The following AP5Z1 variants were observed in gnomAD, a reference collection of about 807,000 sequenced individuals.
AP5Z1 encodes the protein AP-5 complex subunit zeta-1.
A neutral mutation model predicts 83.0 loss-of-function variants in AP5Z1; 106 were observed. The ratio of observed to expected loss-of-function variants is 1.28; its 90% confidence interval spans 1.09 to 1.50. The LOEUF (loss-of-function observed/expected upper bound fraction) is 1.50. Among genes scored for constraint, AP5Z1 ranks in the 40% most tolerant of loss-of-function variants. The pLI, the probability that AP5Z1 is intolerant of heterozygous loss-of-function variation, is 0.00. For missense variants in AP5Z1, 1,565 were observed against 1,094.2 expected, an observed-to-expected ratio of 1.43 and a Z score of -6.07; for synonymous variants, 751 against 514.1, an observed-to-expected ratio of 1.46 and a Z score of -6.23.
At chr7:4,787,111 C>T (rs1781572244) in intron 10 of AP5Z1, among the ~76,000 whole-genome samples, 2 of 152,136 alleles carry the variant, frequency 1.3e-5, no homozygotes, top group Non-Finnish European at 2.9e-5. Context: ...GCAGCCTCGC[C>T]TCGCTGTAAG....
Position 4,790,807 on chromosome 7 carries a change from C to T in AP5Z1, c.2073C>T (p.Pro691=), listed in dbSNP as rs764791853. 1 of 1,609,310 alleles carries T rather than the reference C, an allele frequency of 6.2e-7. No homozygotes were observed. Among genetic ancestry groups the T allele is most frequent in the Admixed American group, 1.7e-5 (1 of 59,664 alleles). Residue 691 remains proline, a synonymous_variant, in exon 16 of 17, where the codon CCC becomes CCT. Coordinates refer to ENST00000649063, the MANE Select transcript of AP5Z1 (RefSeq NM_014855.3). The stretch of plus-strand genomic sequence containing the variant: ...AGTGCCGCCCCTCTGCTGCCCTGCC[C>T]AGGTGTCCCCCCCAGGTGGTCACCG... ...VTQCRPSAAL[P]RCPPQVVTVL... is the part of the protein sequence containing the mutation.
At chr7:4,790,222 C>T (rs201394391) in intron 14 of AP5Z1, 65 of 1,549,620 alleles carry the variant, frequency 4.2e-5, no homozygotes, top group Non-Finnish European at 5.3e-5. Context: ...AGGCCTGATG[C>T]ATGCAGGCCC....
chr7:4,785,708 T>G lies in AP5Z1; in HGVS notation c.1132+24T>G. 2.0e-6 allele frequency: 3 copies of G among 1,469,864 alleles called. No individual in the cohort carries two copies. The South Asian group carries it at 4.0e-5, about 20-fold the overall frequency. 91.1% of individuals were successfully genotyped at this position (1,469,864 alleles called of 1,614,324 possible). ...CGGTGAGCCCAGGGTGGGGTGGCGC[T>G]GACTCGGGGCTCTGCTTCTGCCTTT... On this transcript the variant is annotated intron_variant, in intron 9 of 16. Coordinates refer to ENST00000649063, the MANE Select transcript of AP5Z1 (RefSeq NM_014855.3).
At chr7:4,777,599 G>C (rs1309335502) in intron 1 of AP5Z1, among the ~76,000 whole-genome samples, 4 of 152,120 alleles carry the variant, frequency 2.6e-5, no homozygotes, top group Non-Finnish European at 2.9e-5. Flanking sequence ...ACATTGTCCA[G>C]GCTGGTCTCG....
In AP5Z1 at chr7:4,785,497, A is replaced by G. The variant is rs764331352; in HGVS notation, c.970-25A>G. ...GGGATGGGAGGCAGCGACTCGGCCC[A>G]TTTGATGTGGTCCATGTCCCGCAGT... On this transcript the variant is annotated intron_variant, in intron 8 of 16. Coordinates refer to ENST00000649063, the MANE Select transcript of AP5Z1 (RefSeq NM_014855.3). The G allele has an allele frequency of 2.2e-5, 36 of 1,613,182 alleles. 1 individual carries two copies. In the South Asian group the frequency reaches 4.0e-4, roughly 18 times the overall value.
chr7:4,785,412 C>T lies in AP5Z1; in HGVS notation c.932-3C>T, dbSNP rs1286029680. The stretch of plus-strand genomic sequence containing the variant: ...GCCGGCTGACTTTTTCCCCTCCTTC[C>T]AGGAGCCCTGAGGAAGGGGGACTCC... On this transcript the variant is annotated splice_polypyrimidine_tract_variant and splice_region_variant and intron_variant, in intron 7 of 16. Transcript: ENST00000649063. 6.2e-7 allele frequency: 1 copy of T among 1,613,088 alleles called. No individual in the cohort carries two copies. The highest frequency in any genetic ancestry group is 1.7e-4 in the Middle Eastern group (1 of 6,054).
intron 4 of AP5Z1, 45 bp downstream of exon 4, chr7:4,783,505 C>T (rs754687463): frequency 5.0e-6 from 8 of 1,598,362 alleles, no homozygotes; most frequent in Middle Eastern, 2.0e-4. Context: ...TCTGCCTTCC[C>T]AGGTCCTTCC....
chr7:4,781,064 A>G (rs1781367293), intron 1 of AP5Z1, 111 bp from the exon 2 acceptor site: 11 of 1,392,204 alleles, frequency 7.9e-6, no homozygotes, highest in Non-Finnish European at 1.1e-5. Flanking sequence ...GTTCCTCCAC[A>G]CACTCGGCTT....
rs1464410449 is a variant in AP5Z1, at chr7:4,786,428, G to A, written c.1311G>A (p.Lys437=). 1.2e-6 allele frequency: 2 copies of A among 1,613,492 alleles called. No individual in the cohort carries two copies. The highest frequency in any genetic ancestry group is 4.5e-5 in the East Asian group (2 of 44,888). ...TLRLSFPNLF[K]FLAWNSPPLT... ...GATTGAGCTTCCCCAACCTCTTTAA[G>A]GTATATTTGGGCATCCCTGGGTGCC... The change falls in exon 10 of 17, where the codon AAG becomes AAA. Residue 437 remains lysine, a splice_region_variant and synonymous_variant. Transcript: ENST00000649063.
chr7:4,790,941 C>T lies in AP5Z1; in HGVS notation c.2153+54C>T, dbSNP rs1469208719. ...TCTGGCTCCTGGGGAAGAGAGGTGG[C>T]TTCTGAGGTCTTCCCATCCAGGTGT... is the stretch of plus-strand genomic sequence containing the variant. On this transcript the variant is annotated intron_variant, in intron 16 of 16. Transcript: ENST00000649063. 6 of 1,509,970 alleles carry T rather than the reference C, an allele frequency of 4.0e-6. No homozygotes were observed. The African/African-American group carries it at 6.9e-5, about 17-fold the overall frequency. The allele number at this position is 1,509,970 out of a possible 1,614,324, so 93.5% of individuals were successfully genotyped here.
rs572266275 is a variant in AP5Z1, at chr7:4,782,209, C to T, written c.366+455C>T. ...CTGGGATTACAGGCATGCATCACCA[C>T]ACCCAGTTAATGTTTGTATTTTTTT... On this transcript the variant is annotated intron_variant, in intron 3 of 16. Coordinates refer to ENST00000649063, the MANE Select transcript of AP5Z1 (RefSeq NM_014855.3). Among the ~76,000 whole-genome samples, 5 of 152,240 alleles carry T rather than the reference C, an allele frequency of 3.3e-5. No individual in the cohort carries two copies. The East Asian group carries it at 9.7e-4, about 29-fold the overall frequency.
chr7:4,788,457 C>T (rs969597689), intron 12 of AP5Z1, 163 bp downstream of exon 12: 23 of 907,466 alleles, frequency 2.5e-5, no homozygotes, highest in Non-Finnish European at 3.6e-5. Context: ...TGCTTCTGCA[C>T]CACGGGTCTG....
chr7:4,788,334 A>G (rs1781625784), intron 12 of AP5Z1, 40 bp downstream of exon 12: 1 of 1,532,118 alleles, frequency 6.5e-7, no homozygotes, highest in South Asian at 1.2e-5. Context: ...AGTGGCTCAG[A>G]GAGCCCGGCC....
chr7:4,791,556 C>T lies in AP5Z1; in HGVS notation c.*171C>T, dbSNP rs934111539. On this transcript the variant is annotated 3_prime_UTR_variant, in exon 17 of 17. Transcript: ENST00000649063. ...ACGCGGGGCTGGCCCCCCTGCTCACCCTCTGGGCTTTGTCTCCGAGCCTTT... is the reference window on the plus strand; with the variant it reads ...ACGCGGGGCTGGCCCCCCTGCTCACTCTCTGGGCTTTGTCTCCGAGCCTTT... 11 of 995,982 alleles carry T rather than the reference C, an allele frequency of 1.1e-5. No individual in the cohort carries two copies. The highest frequency in any genetic ancestry group is 3.3e-5 in the African/African-American group (2 of 61,148). 61.7% of individuals were successfully genotyped at this position (995,982 alleles called of 1,614,324 possible).
chr7:4,790,077 G>C lies in AP5Z1; in HGVS notation c.1805+148G>C, dbSNP rs1039615227. Reference sequence around the variant, plus strand: ...TCAGACCCTGCCACCCCCACCCACAGCCCCACACCCAGCCCCAGGCACTTC... The same window carrying C: ...TCAGACCCTGCCACCCCCACCCACACCCCCACACCCAGCCCCAGGCACTTC... On this transcript the variant is annotated intron_variant, in intron 14 of 16. Coordinates refer to ENST00000649063, the MANE Select transcript of AP5Z1 (RefSeq NM_014855.3). 16 of 1,163,818 alleles carry C rather than the reference G, an allele frequency of 1.4e-5. No homozygotes were observed. In the Middle Eastern group the frequency reaches 6.8e-4, roughly 49 times the overall value. The allele number at this position is 1,163,818 out of a possible 1,614,324, so 72.1% of individuals were successfully genotyped here. A position where few individuals can be genotyped will look rare whatever the true frequency, so the allele number is the denominator to read the frequency against.
At chr7:4,790,245 C>T (rs1781714405) in intron 14 of AP5Z1, 3 of 1,547,980 alleles carry the variant, frequency 1.9e-6, no homozygotes, top group Non-Finnish European at 2.6e-6. Context: ...CCTGGTTCCA[C>T]TCTGAGCCTG....
Position 4,791,502 on chromosome 7 carries a change from C to G in AP5Z1, c.*117C>G, listed in dbSNP as rs775400806. ...GGGAGTCCTGGGAGAGGAGGCAAGG[C>G]CCACGGTGGGCTTGGCACCCTCACA... On this transcript the variant is annotated 3_prime_UTR_variant, in exon 17 of 17. Coordinates refer to ENST00000649063, the MANE Select transcript of AP5Z1 (RefSeq NM_014855.3). The G allele has an allele frequency of 7.1e-7, 1 of 1,418,072 alleles. No homozygotes were observed. The highest frequency in any genetic ancestry group is 1.5e-5 in the South Asian group (1 of 68,772). 87.8% of individuals were successfully genotyped at this position (1,418,072 alleles called of 1,614,324 possible).
chr7:4,784,437 G>A, intron 6 of AP5Z1, 66 bp downstream of exon 6: 1 of 1,505,264 alleles, frequency 6.6e-7, no homozygotes, highest in Non-Finnish European at 8.9e-7. Flanking sequence ...GTTGGTCGCA[G>A]GGGGACACGG....
At chr7:4,785,741 G>T in intron 9 of AP5Z1, 57 bp downstream of exon 9, 1 of 1,372,252 alleles carries the variant, frequency 7.3e-7, no homozygotes, top group Non-Finnish European at 9.5e-7. Flanking sequence ...TTTAGTTTTA[G>T]GATGGAATTT....
Sources: gnomAD v4.1 joint callset for allele counts (sites outside exome capture counted in the v4.1 genomes callset) on GRCh38, gnomAD v4.1.1 for gene constraint, MANE v1.5 for transcripts, NCBI Gene and HGNC (gene_info 2026-07-23, HGNC 2026-07-21) for gene names.